RBFOX1: variants seen among roughly 807,000 people sequenced by gnomAD.
The protein encoded by RBFOX1 is RNA binding fox-1 homolog 1, also known as RNA binding protein fox-1 homolog 1.
In RBFOX1, 8 loss-of-function variants were observed where a neutral mutation model predicts 57.7. The ratio of observed to expected loss-of-function variants is 0.14; its 90% CI spans 0.08 to 0.25. The LOEUF is 0.25. Among genes scored for constraint, RBFOX1 ranks in the 10% least tolerant of loss-of-function variants. The pLI is 1.00. For synonymous variants in RBFOX1, 326 were observed against 222.4 expected, an observed-to-expected ratio of 1.47 and a Z score of -4.15; for missense variants, 611 against 548.5, an observed-to-expected ratio of 1.11 and a Z score of -1.14.
chr16:5,461,308 C>T (rs1185263097), intron 1 of RBFOX1, among the ~76,000 whole-genome samples: 2 of 152,138 alleles, frequency 1.3e-5, no homozygotes, highest in Non-Finnish European at 2.9e-5. Context: ...GATGATCTGC[C>T]CCGCACTCTG....
At chr16:6,654,229 C>G (rs571128678) in intron 2 of RBFOX1, among the ~76,000 whole-genome samples, 6 of 152,238 alleles carry the variant, frequency 3.9e-5, no homozygotes, top group Admixed American at 3.3e-4. Context: ...TGAGACATAT[C>G]TGACTATCCT....
intron 3 of RBFOX1, among the ~76,000 whole-genome samples, chr16:6,958,047 A>G (rs2082231537): frequency 6.6e-6 from 1 of 152,106 alleles, no homozygotes; most frequent in Non-Finnish European, 1.5e-5. Context: ...TGGTTCATCG[A>G]GGGGCCATCT....
chr16:6,076,471 G>T (rs1261975519), intron 1 of RBFOX1, among the ~76,000 whole-genome samples: 1 of 151,986 alleles, frequency 6.6e-6, no homozygotes, highest in African/African-American at 2.4e-5. Context: ...AGCCTTGCCT[G>T]TTTTTTTGTT....
At chr16:6,870,193 T>C (rs2060625204) in intron 3 of RBFOX1, among the ~76,000 whole-genome samples, 1 of 152,188 alleles carries the variant, frequency 6.6e-6, no homozygotes, top group Non-Finnish European at 1.5e-5. Context: ...GAAAACCTTA[T>C]TTCATCTAGA....
chr16:6,918,448 C>T (rs988781525), intron 3 of RBFOX1, among the ~76,000 whole-genome samples: 10 of 152,134 alleles, frequency 6.6e-5, no homozygotes, highest in African/African-American at 2.2e-4. Flanking sequence ...TTCATACATG[C>T]AGAGTAAAAC....
chr16:6,670,151 T>G (rs1286112333), intron 3 of RBFOX1, among the ~76,000 whole-genome samples: 2 of 152,084 alleles, frequency 1.3e-5, no homozygotes, highest in Non-Finnish European at 2.9e-5. Flanking sequence ...GTGGGCATGT[T>G]GTACTTACTC....
At position 7,713,012 on chromosome 16, in the gene RBFOX1, G is replaced by C. The variant is rs377217078; in HGVS notation, c.*2267G>C. 1.3e-5 allele frequency: 2 copies of C among 152,192 alleles called. No homozygotes were observed. Among genetic ancestry groups the C allele is most frequent in the South Asian group, 2.1e-4 (1 of 4,832 alleles). The allele number at this position is 152,192 out of a possible 1,614,324, so 9.4% of individuals were successfully genotyped here. A position where few individuals can be genotyped will look rare whatever the true frequency, so the allele number is the denominator to read the frequency against. On this transcript the variant is annotated 3_prime_UTR_variant, in exon 16 of 16. Transcript: ENST00000550418. ...TGAGTGAGTGCCAACCGATGTTGCA[G>C]AATCTTTTGTCTAGGCACTCCAAGA...
intron 5 of RBFOX1, among the ~76,000 whole-genome samples, chr16:7,563,925 A>C (rs28690777): frequency 0.32 from 48,738 of 152,068 alleles, 8,586 homozygotes; most frequent in Non-Finnish European, 0.4. Context: ...GGCCTGATGT[A>C]TAGTAGGTGC....
rs57824134 is a variant in RBFOX1, at chr16:5,904,976, CAAAAAAAAA to C, written c.351+37651_351+37659del. On this transcript the variant is annotated intron_variant, in intron 4 of 19. Transcript: ENST00000641259. ...TGGGCGACAGAGCAAGACTCCGTCT[CAAAAAAAAA>C]AAAAAAAAAGAGAGGTAATCAGATG... Among the ~76,000 whole-genome samples the C allele has an allele frequency of 6.0e-5, 4 of 66,820 alleles. No homozygotes were observed. In the Admixed American group the frequency reaches 9.3e-4, roughly 16 times the overall value. The allele number at this position is 66,820 out of a possible 152,430, so 43.8% of individuals were successfully genotyped here.
rs563745568 is a variant in RBFOX1 at position 6,574,592 on chromosome 16, C to T, written c.-63-80011C>T. Among the ~76,000 whole-genome samples the T allele has an allele frequency of 4.7e-4, 71 of 150,420 alleles. 1 individual carries two copies. Among genetic ancestry groups the T allele is most frequent in the Admixed American group, 1.3e-3 (20 of 15,168 alleles). Reference sequence around the variant, plus strand: ...TACAGGCGCCCGCCACCAAGCCCAGCTAATTTTTTGTATTTTTAGTAGAGA... The same window carrying T: ...TACAGGCGCCCGCCACCAAGCCCAGTTAATTTTTTGTATTTTTAGTAGAGA... On this transcript the variant is annotated intron_variant, in intron 2 of 15. Transcript: ENST00000550418.
intron 2 of RBFOX1, among the ~76,000 whole-genome samples, chr16:6,357,372 A>G (rs577837454): frequency 2.0e-5 from 3 of 152,036 alleles, no homozygotes; most frequent in Admixed American, 6.6e-5. Flanking sequence ...CAGAAATCCT[A>G]TGCTTCTCCC....
At chr16:6,528,821 A>G (rs1004133145) in intron 2 of RBFOX1, among the ~76,000 whole-genome samples, 2 of 151,978 alleles carry the variant, frequency 1.3e-5, no homozygotes, top group Non-Finnish European at 2.9e-5. Context: ...TCCACACCCC[A>G]CCTCCCATCC....
intron 1 of RBFOX1, among the ~76,000 whole-genome samples, chr16:6,025,181 T>G (rs2095165553): frequency 6.6e-6 from 1 of 152,232 alleles, no homozygotes. Context: ...CATGCCTTCC[T>G]GGCCGGCCGG....
intron 1 of RBFOX1, among the ~76,000 whole-genome samples, chr16:6,201,941 A>T (rs1346146252): frequency 1.3e-5 from 2 of 152,214 alleles, no homozygotes; most frequent in African/African-American, 2.4e-5. Flanking sequence ...GGGCATAAAT[A>T]TTGAGGGTCC....
At chr16:6,929,650 CAG>C (rs1228719096) in intron 3 of RBFOX1, among the ~76,000 whole-genome samples, 1 of 152,110 alleles carries the variant, frequency 6.6e-6, no homozygotes, top group Non-Finnish European at 1.5e-5. Flanking sequence ...TAGGGATTCT[CAG>C]AGTTATATCC....
intron 3 of RBFOX1, among the ~76,000 whole-genome samples, chr16:5,729,396 CTTTTTTTT>C (rs71142649): frequency 2.7e-5 from 3 of 111,462 alleles, no homozygotes; most frequent in African/African-American, 1.0e-4. Flanking sequence ...TTTTTCTTTT[CTTTTTTTT>C]TTTTTTTTTT....
At chr16:6,838,870 A>G (rs565371536) in intron 3 of RBFOX1, among the ~76,000 whole-genome samples, 2 of 152,138 alleles carry the variant, frequency 1.3e-5, no homozygotes, top group South Asian at 4.1e-4. Context: ...TCACACTGAG[A>G]ATCTCACCCA....
intron 4 of RBFOX1, among the ~76,000 whole-genome samples, chr16:7,338,690 C>G (rs933514738): frequency 6.6e-6 from 1 of 152,238 alleles, no homozygotes; most frequent in South Asian, 2.1e-4. Context: ...ATCTACATAC[C>G]TATATGTAGT....
chr16:6,336,148 C>A (rs1179394482), intron 2 of RBFOX1, among the ~76,000 whole-genome samples: 4 of 54,162 alleles, frequency 7.4e-5, no homozygotes, highest in African/African-American at 2.3e-4. Flanking sequence ...CATATATATA[C>A]ATATACATAT....
Sources: gnomAD v4.1 joint callset for allele counts (sites outside exome capture counted in the v4.1 genomes callset) on GRCh38, gnomAD v4.1.1 for gene constraint, MANE v1.5 for transcripts, NCBI Gene and HGNC (gene_info 2026-07-23, HGNC 2026-07-21) for gene names.